The following PPID variants were observed in gnomAD, a reference collection of about 807,000 sequenced individuals.
PPID encodes peptidyl-prolyl cis-trans isomerase D.
A neutral mutation model predicts 48.1 loss-of-function variants in PPID; 47 were observed. The observed-to-expected ratio is 0.98, with a 90% CI of 0.77 to 1.25. The LOEUF (loss-of-function observed/expected upper bound fraction) is 1.25. Among genes scored for constraint, PPID ranks in the 50% most tolerant of loss-of-function variants. The pLI, the probability that PPID is intolerant of heterozygous loss-of-function variation, is 0.00. For missense variants in PPID, 429 were observed against 443.5 expected (o/e 0.97, Z 0.29); for synonymous variants, 163 against 148.8 (o/e 1.10, Z -0.69).
chr4:158,717,338 A>G (rs568710250), intron 3 of PPID, 138 bp from the exon 4 acceptor site: 1 of 615,938 alleles, frequency 1.6e-6, no homozygotes, highest in East Asian at 3.4e-5. Context: ...ACTTTTTTTT[A>G]CTTTTCACTT....
intron 7 of PPID, among the ~76,000 whole-genome samples, chr4:158,712,605 A>T (rs539789610): frequency 1.3e-5 from 2 of 152,226 alleles, no homozygotes; most frequent in East Asian, 1.9e-4. Flanking sequence ...AAAAATACAA[A>T]AATTATCTGG....
chr4:158,722,620 G>A (rs1774982243), intron 1 of PPID, among the ~76,000 whole-genome samples: 1 of 152,214 alleles, frequency 6.6e-6, no homozygotes, highest in Admixed American at 6.5e-5. Context: ...AGGAACTTCT[G>A]AGCGGCTATG....
intron 1 of PPID, among the ~76,000 whole-genome samples, chr4:158,722,692 T>C (rs1233424698): frequency 6.6e-6 from 1 of 152,224 alleles, no homozygotes; most frequent in African/African-American, 2.4e-5. Context: ...TAAGAGAAAA[T>C]GTTTGCTCAT....
At chr4:158,714,640 G>T (rs1278226276) in intron 6 of PPID, among the ~76,000 whole-genome samples, 2 of 151,726 alleles carry the variant, frequency 1.3e-5, no homozygotes, top group African/African-American at 2.4e-5. Context: ...GCCCAGGCTG[G>T]AGTGCAGTGG....
At position 158,715,666 on chromosome 4, in the gene PPID, A is replaced by G; in HGVS notation, c.541T>C (p.Cys181Arg). 1 of 1,609,890 alleles carries G rather than the reference A, an allele frequency of 6.2e-7. No individual in the cohort carries two copies. The highest frequency in any genetic ancestry group is 8.5e-7 in the Non-Finnish European group (1 of 1,176,102). The change falls in exon 5 of 10, where the codon TGT (cysteine) becomes CGT (arginine). Residue 181 changes from cysteine to arginine, a missense_variant. Coordinates refer to ENST00000307720, the MANE Select transcript of PPID (RefSeq NM_005038.3). ...KPAKLCVIAE[C>R]GELKEGDDGG... is the part of the protein sequence containing the mutation. ...TCATCTCCTTCCTTCAATTCTCCAC[A>G]TTCTGCAATAACGCACAACTGTAAA...
At position 158,723,229 on chromosome 4, in the gene PPID, A is replaced by G. The variant is rs1561258766; in HGVS notation, c.60T>C (p.Phe20=). The G allele has an allele frequency of 6.2e-7, 1 of 1,614,012 alleles. No individual in the cohort carries two copies. Residue 20 remains phenylalanine, a synonymous_variant, in exon 1 of 10, where the codon TTT becomes TTC. Coordinates refer to ENST00000307720, the MANE Select transcript of PPID (RefSeq NM_005038.3). ...CTCGCTCCCCTCCGATGTCCACGTC[A>G]AAGAAGACTCGAGGGTTACTGGGGT... ...PSNPSNPRVF[F]DVDIGGERVG... is the part of the protein sequence containing the mutation.
At chr4:158,713,912 A>C (rs759691661) in intron 6 of PPID, among the ~76,000 whole-genome samples, 3 of 152,148 alleles carry the variant, frequency 2.0e-5, no homozygotes, top group Non-Finnish European at 4.4e-5. Context: ...AAAACTACCC[A>C]TAAGATATCC....
In PPID at chr4:158,720,582, AAGTGT is replaced by A. The variant is rs778938973; in HGVS notation, c.226+756_226+760del. 3.5e-4 allele frequency among the ~76,000 whole-genome samples: 53 copies of A among 152,330 alleles called. No homozygotes were observed. In the Middle Eastern group the frequency reaches 0.014, roughly 39 times the overall value. ...CTAAACAAAAGTATGATTCATTACA[AAGTGT>A]AATAAGCAGTATGAAATGGCATATT... On this transcript the variant is annotated intron_variant, in intron 2 of 9. Coordinates refer to ENST00000307720, the MANE Select transcript of PPID (RefSeq NM_005038.3).
rs769662759 is a variant in PPID at position 158,709,800 on chromosome 4, A to T, written c.1049T>A (p.Val350Asp). ...DKAIQAELLK[V>D]KQKIKAQKDK... Reference sequence around the variant, plus strand: ...TTTCTGTGCCTTTATCTTTTGTTTGACTTTCAGCAATTCTGCCTGGATAGC... The same window carrying T: ...TTTCTGTGCCTTTATCTTTTGTTTGTCTTTCAGCAATTCTGCCTGGATAGC... Residue 350 changes from valine (V) to aspartate (D), a missense_variant, in exon 10 of 10, where the codon GTC becomes GAC. Transcript: ENST00000307720. 1.9e-6 allele frequency: 3 copies of T among 1,610,914 alleles called. No homozygotes were observed.
intron 2 of PPID, among the ~76,000 whole-genome samples, chr4:158,719,526 C>T (rs572604382): frequency 5.3e-5 from 8 of 152,124 alleles, no homozygotes; most frequent in Admixed American, 2.0e-4. Flanking sequence ...CAAATGATAC[C>T]TCCCCTATAA....
intron 1 of PPID, among the ~76,000 whole-genome samples, chr4:158,722,864 G>C (rs1222892597): frequency 6.6e-6 from 1 of 152,164 alleles, no homozygotes; most frequent in African/African-American, 2.4e-5. Flanking sequence ...TATGCTTTCC[G>C]AACTGTCCCA....
In PPID at chr4:158,709,731, CCTTT is replaced by C; in HGVS notation, c.*1_*4del. The C allele has an allele frequency of 1.3e-6, 2 of 1,584,160 alleles. No homozygotes were observed. The highest frequency in any genetic ancestry group is 1.7e-6 in the Non-Finnish European group (2 of 1,156,472). ...CAACACACAATAAGCAAAACTGAAT[CCTTT>C]CTAAGCAAACATTTTTGCATATACT... On this transcript the variant is annotated 3_prime_UTR_variant, in exon 10 of 10. Coordinates refer to ENST00000307720, the MANE Select transcript of PPID (RefSeq NM_005038.3).
intron 1 of PPID, 95 bp downstream of exon 1, chr4:158,723,109 C>T (rs1275710441): frequency 7.8e-6 from 10 of 1,282,128 alleles, no homozygotes; most frequent in African/African-American, 4.4e-5. Flanking sequence ...ACTGAGCAGT[C>T]ACCGGCCGGA....
At position 158,713,158 on chromosome 4, in the gene PPID, C is replaced by G. The variant is rs1384055493; in HGVS notation, c.855G>C (p.Lys285Asn). ...CVLNIGACKLKMSNWQGAIDS... is the reference protein window; with the variant it reads ...CVLNIGACKLNMSNWQGAIDS... Reference sequence around the variant, plus strand: ...CAATTGCTCCCTGCCAATTTGACATCTTCAGTTTACAAGCACCAATATTCA... The same window carrying G: ...CAATTGCTCCCTGCCAATTTGACATGTTCAGTTTACAAGCACCAATATTCA... The change falls in exon 7 of 10, where the codon AAG (lysine) becomes AAC (asparagine). Residue 285 changes from lysine to asparagine, a missense_variant. Lys to Asn is a moderately conservative substitution (Grantham distance 94). Coordinates refer to ENST00000307720, the MANE Select transcript of PPID (RefSeq NM_005038.3). The G allele has an allele frequency of 6.2e-7, 1 of 1,614,056 alleles. No homozygotes were observed. Among genetic ancestry groups the G allele is most frequent in the Non-Finnish European group, 8.5e-7 (1 of 1,179,996 alleles).
rs1356531296 is a variant in PPID, at chr4:158,717,208, A to C, written c.334-8T>G. ...TAAACCCTCCCGATCATGCTGTAGA[A>C]ATAAAAATTAAAAGAAAACCAAGGT... On this transcript the variant is annotated splice_polypyrimidine_tract_variant and splice_region_variant and intron_variant, in intron 3 of 9. Coordinates refer to ENST00000307720, the MANE Select transcript of PPID (RefSeq NM_005038.3). 2.5e-6 allele frequency: 4 copies of C among 1,596,950 alleles called. No homozygotes were observed. Among genetic ancestry groups the C allele is most frequent in the Non-Finnish European group, 3.4e-6 (4 of 1,174,410 alleles).
chr4:158,720,520 T>C (rs1375638039), intron 2 of PPID, among the ~76,000 whole-genome samples: 1 of 152,210 alleles, frequency 6.6e-6, no homozygotes, highest in Non-Finnish European at 1.5e-5. Context: ...GTTCTTGAAC[T>C]CATAGAGCCT....
At position 158,719,201 on chromosome 4, in the gene PPID, T is replaced by A. The variant is rs548685262; in HGVS notation, c.312A>T (p.Glu104Asp). ...GGESIYGEKF[E>D]DENFHYKHDR... ...TTACCTTGTAATGGAAATTTTCATC[T>A]TCAAATTTTTCACCATAAATACTTT... Residue 104 changes from glutamate (E) to aspartate (D), a missense_variant, in exon 3 of 10, where the codon GAA (glutamate) becomes GAT (aspartate). Glu to Asp is a conservative substitution (Grantham distance 45, BLOSUM62 2). Transcript: ENST00000307720. The A allele has an allele frequency of 3.1e-6, 5 of 1,600,166 alleles. No homozygotes were observed. In the African/African-American group the frequency reaches 6.7e-5, roughly 21 times the overall value.
At chr4:158,722,438 C>A (rs1774977993) in intron 1 of PPID, among the ~76,000 whole-genome samples, 1 of 152,246 alleles carries the variant, frequency 6.6e-6, no homozygotes, top group Admixed American at 6.5e-5. Flanking sequence ...GCAGCTAAGA[C>A]AGGTGAGATT....
intron 5 of PPID, 44 bp downstream of exon 5, chr4:158,715,518 A>C: frequency 6.3e-7 from 1 of 1,598,346 alleles, no homozygotes; most frequent in East Asian, 2.2e-5. Context: ...AAATATTTTC[A>C]CTTACTAAAT....
Sources: gnomAD v4.1 joint callset for allele counts (sites outside exome capture counted in the v4.1 genomes callset) on GRCh38, gnomAD v4.1.1 for gene constraint, MANE v1.5 for transcripts, NCBI Gene and HGNC (gene_info 2026-07-23, HGNC 2026-07-21) for gene names.